The following TAOK3 variants were observed in gnomAD, a reference collection of about 807,000 sequenced individuals.
TAOK3 encodes TAO kinase 3.
A neutral mutation model predicts 120.4 loss-of-function variants in TAOK3; 40 were observed. The observed-to-expected ratio is 0.33, with a 90% CI of 0.26 to 0.43. The LOEUF (loss-of-function observed/expected upper bound fraction) is 0.43. TAOK3 is among the 20% of genes least tolerant of loss of function. The probability of loss-of-function intolerance (pLI) is 1.00; values close to 1 mark genes in which losing one functional copy is unlikely to be tolerated. For synonymous variants in TAOK3, 355 were observed against 387.5 expected (o/e 0.92, Z 0.99); for missense variants, 821 against 1,112.1 (o/e 0.74, Z 3.72).
intron 9 of TAOK3, among the ~76,000 whole-genome samples, chr12:118,224,606 A>G (rs2039412523): frequency 6.6e-6 from 1 of 152,208 alleles, no homozygotes; most frequent in South Asian, 2.1e-4. Flanking sequence ...GAAAAATAAA[A>G]TATCTGGTGA....
chr12:118,237,840 C>G (rs1432864569), intron 7 of TAOK3, among the ~76,000 whole-genome samples: 1 of 152,026 alleles, frequency 6.6e-6, no homozygotes, highest in Non-Finnish European at 1.5e-5. Flanking sequence ...AACATTTAGC[C>G]TGGAGAACAG....
intron 1 of TAOK3, among the ~76,000 whole-genome samples, chr12:118,320,713 T>C (rs1423614978): frequency 6.6e-6 from 1 of 152,198 alleles, no homozygotes; most frequent in East Asian, 1.9e-4. Flanking sequence ...GCTTAAACAA[T>C]GCTGTTTAAA....
chr12:118,197,944 T>C (rs2037817250), intron 13 of TAOK3, among the ~76,000 whole-genome samples: 1 of 152,034 alleles, frequency 6.6e-6, no homozygotes, highest in Admixed American at 6.5e-5. Flanking sequence ...ACCTCGGCCA[T>C]TGCGCCTGGC....
At chr12:118,159,770 A>T (rs2035095526) in intron 19 of TAOK3, 1 of 288,116 alleles carries the variant, frequency 3.5e-6, no homozygotes, top group African/African-American at 2.2e-5. Flanking sequence ...TCCTCACTTG[A>T]CTGTGGGCTC....
Position 118,160,215 on chromosome 12 carries a change from C to T in TAOK3, c.2283G>A (p.Gln761=). The change falls in exon 19 of 21, where the codon CAG becomes CAA. Residue 761 remains glutamine (Q), a synonymous_variant. Coordinates refer to ENST00000392533, the MANE Select transcript of TAOK3 (RefSeq NM_016281.4). This position sits in a 1 kb window ranked among gnomAD's most constrained non-coding sequence, Gnocchi z 4.2. ...CTGCCAAAATGGCAAGTTTTCTTGT[C>T]TGCTCATCTTTCAGTGTCTTTAAGA... ...KTILKTLKDE[Q]TRKLAILAEQ... 2 of 1,614,196 alleles carry T rather than the reference C, an allele frequency of 1.2e-6. No individual in the cohort carries two copies. The highest frequency in any genetic ancestry group is 2.2e-5 in the South Asian group (2 of 91,082).
intron 1 of TAOK3, among the ~76,000 whole-genome samples, chr12:118,331,401 T>C (rs1190814219): frequency 3.9e-5 from 6 of 152,046 alleles, no homozygotes; most frequent in Non-Finnish European, 4.4e-5. Flanking sequence ...TCCCAGCACT[T>C]TGGGAGGCCG....
intron 9 of TAOK3, among the ~76,000 whole-genome samples, chr12:118,222,025 A>G (rs953617247): frequency 6.6e-6 from 1 of 152,160 alleles, no homozygotes; most frequent in Non-Finnish European, 1.5e-5. Flanking sequence ...GTTTCCCTTT[A>G]ACTTAGAGAC....
intron 15 of TAOK3, among the ~76,000 whole-genome samples, chr12:118,178,277 A>G (rs2036475113): frequency 1.3e-5 from 2 of 152,126 alleles, no homozygotes; most frequent in African/African-American, 4.8e-5. Flanking sequence ...GTTCTGATAT[A>G]AATCTAATAA....
chr12:118,268,751 G>A (rs2041566783), intron 1 of TAOK3, among the ~76,000 whole-genome samples: 1 of 152,204 alleles, frequency 6.6e-6, no homozygotes, highest in African/African-American at 2.4e-5. Flanking sequence ...GCTCACACCT[G>A]TAATCCCAGC....
chr12:118,302,073 T>C (rs1260008477), intron 1 of TAOK3, among the ~76,000 whole-genome samples: 1 of 152,186 alleles, frequency 6.6e-6, no homozygotes, highest in Non-Finnish European at 1.5e-5. Context: ...GTTTTTGATC[T>C]GTTTTGGTTT....
At position 118,172,646 on chromosome 12, in the gene TAOK3, G is replaced by A; in HGVS notation, c.1710C>T (p.Asp570=). ...GCTTCTCTTTCTTGGGTGTGCTATG[G>A]TCCTCATTCATTTCCTAAAAAGAAC... ...KEKIKEEMNE[D]HSTPKKEKQE... is the part of the protein sequence containing the mutation. The change falls in exon 17 of 21, where the codon GAC becomes GAT. Residue 570 remains aspartate, a synonymous_variant. Transcript: ENST00000392533. 6.2e-7 allele frequency: 1 copy of A among 1,614,000 alleles called. No individual in the cohort carries two copies. The highest frequency in any genetic ancestry group is 8.5e-7 in the Non-Finnish European group (1 of 1,179,990).
intron 2 of TAOK3, among the ~76,000 whole-genome samples, chr12:118,262,822 G>A (rs1277403): frequency 4.2e-5 from 5 of 118,508 alleles, no homozygotes; most frequent in South Asian, 2.9e-4. Flanking sequence ...GCAAGACTCC[G>A]TCTCAAAAAA....
intron 9 of TAOK3, among the ~76,000 whole-genome samples, chr12:118,216,175 C>T (rs1253723786): frequency 6.6e-6 from 1 of 152,134 alleles, no homozygotes; most frequent in African/African-American, 2.4e-5. Flanking sequence ...CCAGCCTGGG[C>T]AACAGAGTGA....
intron 3 of TAOK3, chr12:118,246,531 G>C: frequency 6.5e-7 from 1 of 1,543,426 alleles, no homozygotes; most frequent in South Asian, 1.1e-5. Flanking sequence ...GGTGGCCACC[G>C]CCATCCGTGG....
chr12:118,159,345 C>G (rs1418749925), intron 19 of TAOK3, among the ~76,000 whole-genome samples: 1 of 147,814 alleles, frequency 6.8e-6, no homozygotes, highest in Non-Finnish European at 1.5e-5. Context: ...GAGTCTTGCT[C>G]TGTCACCCAG....
intron 17 of TAOK3, among the ~76,000 whole-genome samples, chr12:118,168,172 C>T (rs977951383): frequency 6.6e-6 from 1 of 151,978 alleles, no homozygotes; most frequent in Admixed American, 6.6e-5. Flanking sequence ...ATGGGATTGT[C>T]GAAAAGGTGA....
At chr12:118,208,980 G>A (rs961722434) in intron 11 of TAOK3, among the ~76,000 whole-genome samples, 3 of 152,108 alleles carry the variant, frequency 2.0e-5, no homozygotes, top group African/African-American at 7.2e-5. Context: ...AAAGTGCTGG[G>A]ATTACAGGCA....
At chr12:118,327,624 T>C (rs2043986108) in intron 1 of TAOK3, among the ~76,000 whole-genome samples, 1 of 152,216 alleles carries the variant, frequency 6.6e-6, no homozygotes, top group African/African-American at 2.4e-5. Context: ...GTTCTCAAAC[T>C]CAAGTTTCCT....
At chr12:118,282,418 T>C (rs2042128718) in intron 1 of TAOK3, among the ~76,000 whole-genome samples, 1 of 152,226 alleles carries the variant, frequency 6.6e-6, no homozygotes, top group Non-Finnish European at 1.5e-5. Context: ...CTATGCCTTT[T>C]GGCATTGGTA....
Sources: allele counts gnomAD v4.1 joint callset (sites outside exome capture counted in the v4.1 genomes callset), GRCh38; gene constraint gnomAD v4.1.1; non-coding constraint Gnocchi (gnomAD v3.1); transcripts MANE v1.5; gene names NCBI Gene and HGNC (gene_info 2026-07-23, HGNC 2026-07-21).